ADAMTS3: variants seen among roughly 807,000 people sequenced by gnomAD.
The protein encoded by ADAMTS3 is ADAM metallopeptidase with thrombospondin type 1 motif 3.
ADAMTS3 carries 73 observed loss-of-function variants against 129.0 expected under a neutral mutation model. The observed-to-expected ratio is 0.57, with a 90% CI of 0.47 to 0.69. The LOEUF (loss-of-function observed/expected upper bound fraction) is 0.69, where lower values mean the gene tolerates loss of function less well. ADAMTS3 is among the 30% of genes least tolerant of loss of function. The pLI, the probability that ADAMTS3 is intolerant of heterozygous loss-of-function variation, is 0.00. For synonymous variants in ADAMTS3, 477 were observed against 510.8 expected (o/e 0.93, Z 0.89); for missense variants, 1,457 against 1,514.5 (o/e 0.96, Z 0.63).
At chr4:72,477,631 T>C (rs1410781355) in intron 3 of ADAMTS3, among the ~76,000 whole-genome samples, 1 of 151,546 alleles carries the variant, frequency 6.6e-6, no homozygotes, top group African/African-American at 2.4e-5. Flanking sequence ...AATTAAAAGA[T>C]CTAGAAAAGC....
chr4:72,368,789 TAGG>T (rs1178832182), intron 4 of ADAMTS3, among the ~76,000 whole-genome samples: 1 of 152,220 alleles, frequency 6.6e-6, no homozygotes, highest in African/African-American at 2.4e-5. Flanking sequence ...GTAATCTAGA[TAGG>T]AGGACCTAGC....
intron 4 of ADAMTS3, among the ~76,000 whole-genome samples, chr4:72,396,162 G>A (rs1030058830): frequency 1.3e-5 from 2 of 152,140 alleles, no homozygotes; most frequent in Non-Finnish European, 2.9e-5. Flanking sequence ...GAGTAGTCCA[G>A]AAACTGGTGG....
chr4:72,484,663 T>C (rs969401252), intron 3 of ADAMTS3, among the ~76,000 whole-genome samples: 2 of 152,186 alleles, frequency 1.3e-5, no homozygotes, highest in African/African-American at 4.8e-5. Context: ...ATTTGTCATA[T>C]AGGACAAACT....
intron 4 of ADAMTS3, among the ~76,000 whole-genome samples, chr4:72,354,769 T>A (rs1268890157): frequency 6.6e-6 from 1 of 152,022 alleles, no homozygotes; most frequent in East Asian, 1.9e-4. Flanking sequence ...TGAAGTCATT[T>A]TTATTTTGCT....
intron 2 of ADAMTS3, among the ~76,000 whole-genome samples, chr4:72,563,975 C>T (rs565870909): frequency 6.6e-6 from 1 of 152,092 alleles, no homozygotes; most frequent in Non-Finnish European, 1.5e-5. Context: ...CTAAACCTTA[C>T]AAACTGAAAC....
At chr4:72,479,023 A>C (rs1426497005) in intron 3 of ADAMTS3, among the ~76,000 whole-genome samples, 2 of 151,376 alleles carry the variant, frequency 1.3e-5, no homozygotes, top group African/African-American at 4.9e-5. Flanking sequence ...ACTACAAACC[A>C]CTGCTCAACG....
At chr4:72,354,946 GC>G (rs1720540374) in intron 4 of ADAMTS3, among the ~76,000 whole-genome samples, 1 of 151,792 alleles carries the variant, frequency 6.6e-6, no homozygotes, top group Non-Finnish European at 1.5e-5. Flanking sequence ...CCTACATTCT[GC>G]CACTTAAATT....
intron 3 of ADAMTS3, among the ~76,000 whole-genome samples, chr4:72,477,968 T>C (rs12511881): frequency 0.86 from 131,101 of 152,048 alleles, 58,282 homozygotes; most frequent in East Asian, 1. Flanking sequence ...CTTCGACACA[T>C]ACACCCTCCC....
Position 72,553,189 on chromosome 4 carries a change from C to A in ADAMTS3, c.98-4305G>T, listed in dbSNP as rs1030276225. 3.9e-4 allele frequency among the ~76,000 whole-genome samples: 60 copies of A among 152,224 alleles called. 1 individual carries two copies. Among genetic ancestry groups the A allele is most frequent in the African/African-American group, 1.3e-3 (56 of 41,550 alleles). On this transcript the variant is annotated intron_variant, in intron 2 of 21. Transcript: ENST00000286657. Reference sequence around the variant, plus strand: ...CTGTACAAGTCATCTACCTCTAAAGCCAGAATTTTGCTTGGAAAGCTTGTG... The same window carrying A: ...CTGTACAAGTCATCTACCTCTAAAGACAGAATTTTGCTTGGAAAGCTTGTG...
rs138414234 is a variant in ADAMTS3, at chr4:72,547,705, T to C, written c.504+773A>G. ...AAATACAATTTGATAAAATAAAAAC[T>C]AATTACTAGAATAATAAAATGAAAA... On this transcript the variant is annotated intron_variant, in intron 3 of 21. Transcript: ENST00000286657. 5.5e-3 allele frequency among the ~76,000 whole-genome samples: 841 copies of C among 152,274 alleles called. 6 individuals are homozygous for C. The highest frequency in any genetic ancestry group is 9.0e-3 in the Non-Finnish European group (610 of 68,014).
chr4:72,411,969 T>C (rs1722194858), intron 4 of ADAMTS3, among the ~76,000 whole-genome samples: 1 of 152,080 alleles, frequency 6.6e-6, no homozygotes, highest in Non-Finnish European at 1.5e-5. Flanking sequence ...GTATAACACT[T>C]GCAACAAACT....
At chr4:72,550,067 G>GA (rs2109791297) in intron 2 of ADAMTS3, among the ~76,000 whole-genome samples, 1 of 22,080 alleles carries the variant, frequency 4.5e-5, no homozygotes, top group Non-Finnish European at 9.2e-5. Context: ...GGAAGAGGAA[G>GA]AGGAAGAGGA....
intron 3 of ADAMTS3, among the ~76,000 whole-genome samples, chr4:72,473,878 T>C (rs1719150478): frequency 6.6e-6 from 1 of 152,232 alleles, no homozygotes; most frequent in African/African-American, 2.4e-5. Context: ...CATTGCCTGG[T>C]AATAAGGTTA....
rs1373114471 is a variant in ADAMTS3, at chr4:72,281,009, C to T, written c.*2127G>A. On this transcript the variant is annotated 3_prime_UTR_variant, in exon 22 of 22. Coordinates refer to ENST00000286657, the MANE Select transcript of ADAMTS3 (RefSeq NM_014243.3). ...TTTTTATTGGTACGTGCTCTCAGTACAACAAACAGCATCAGTAGTGTACAC... is the reference window on the plus strand; with the variant it reads ...TTTTTATTGGTACGTGCTCTCAGTATAACAAACAGCATCAGTAGTGTACAC... The T allele has an allele frequency of 6.6e-6, 1 of 152,504 alleles. No homozygotes were observed. The highest frequency in any genetic ancestry group is 2.4e-5 in the African/African-American group (1 of 41,408). The allele number at this position is 152,504 out of a possible 1,614,324, so 9.4% of individuals were successfully genotyped here.
chr4:72,549,185 T>C lies in ADAMTS3; in HGVS notation c.98-301A>G, dbSNP rs979425000. On this transcript the variant is annotated intron_variant, in intron 2 of 21. Coordinates refer to ENST00000286657, the MANE Select transcript of ADAMTS3 (RefSeq NM_014243.3). ...ATATAATGTGTCCATAAACTATAAA[T>C]GGCTTGCTTAAAATCAAGGCATGCC... 7.2e-5 allele frequency among the ~76,000 whole-genome samples: 11 copies of C among 152,196 alleles called. No homozygotes were observed. In the East Asian group the frequency reaches 2.1e-3, roughly 29 times the overall value.
At chr4:72,294,315 T>C (rs558784556) in intron 19 of ADAMTS3, among the ~76,000 whole-genome samples, 1 of 152,012 alleles carries the variant, frequency 6.6e-6, no homozygotes, top group South Asian at 2.1e-4. Flanking sequence ...GAAGGAGTAA[T>C]GGAAAGATGT....
At chr4:72,319,105 G>C (rs568092630) in intron 9 of ADAMTS3, among the ~76,000 whole-genome samples, 8 of 152,062 alleles carry the variant, frequency 5.3e-5, no homozygotes, top group Non-Finnish European at 1.0e-4. Flanking sequence ...TTTACTAAAG[G>C]AAAATTACAT....
At chr4:72,391,664 C>A (rs1381888784) in intron 4 of ADAMTS3, among the ~76,000 whole-genome samples, 5 of 151,986 alleles carry the variant, frequency 3.3e-5, no homozygotes, top group South Asian at 2.1e-4. Flanking sequence ...ACAAAAATGG[C>A]AACTACGCAT....
At chr4:72,518,599 CTTT>C (rs1002124566) in intron 3 of ADAMTS3, among the ~76,000 whole-genome samples, 42 of 152,230 alleles carry the variant, frequency 2.8e-4, no homozygotes, top group African/African-American at 7.9e-4. Flanking sequence ...TAATAGCCTT[CTTT>C]GTCTCTTTTG....
Sources: allele counts gnomAD v4.1 joint callset (sites outside exome capture counted in the v4.1 genomes callset), GRCh38; gene constraint gnomAD v4.1.1; transcripts MANE v1.5; gene names NCBI Gene and HGNC (gene_info 2026-07-23, HGNC 2026-07-21).